The following TMTC2 variants were observed in gnomAD, a reference collection of about 807,000 sequenced individuals.
TMTC2 encodes the protein protein O-mannosyl-transferase TMTC2.
Under a neutral mutation model 82.4 loss-of-function variants are expected in TMTC2, and 43 were observed. The observed-to-expected ratio is 0.52, with a 90% CI of 0.41 to 0.67. TMTC2 has a LOEUF of 0.67. TMTC2 is among the 30% of genes least tolerant of loss of function. The pLI, the probability that TMTC2 is intolerant of heterozygous loss-of-function variation, is 0.00. For missense variants in TMTC2, 919 were observed against 1,012.4 expected, an observed-to-expected ratio of 0.91 and a Z score of 1.25; for synonymous variants, 408 against 381.9, an observed-to-expected ratio of 1.07 and a Z score of -0.80.
At chr12:82,928,583 A>T (rs867292210) in intron 3 of TMTC2, among the ~76,000 whole-genome samples, 13 of 152,306 alleles carry the variant, frequency 8.5e-5, no homozygotes, top group Middle Eastern at 3.4e-3. Flanking sequence ...GTTGGTTTGC[A>T]GTGAAAGATG....
At chr12:82,786,597 A>G (rs768012426) in intron 1 of TMTC2, among the ~76,000 whole-genome samples, 2 of 152,158 alleles carry the variant, frequency 1.3e-5, no homozygotes, top group Non-Finnish European at 2.9e-5. Context: ...ATTATTTTGA[A>G]GTAACACTGA....
At chr12:82,856,729 G>C (rs139430326) in intron 1 of TMTC2, among the ~76,000 whole-genome samples, 1 of 152,300 alleles carries the variant, frequency 6.6e-6, no homozygotes, top group East Asian at 1.9e-4. Context: ...TTGTTTGGCA[G>C]ACTGCTACAT....
At chr12:82,826,667 T>G (rs1319192775) in intron 1 of TMTC2, among the ~76,000 whole-genome samples, 1 of 152,178 alleles carries the variant, frequency 6.6e-6, no homozygotes, top group Non-Finnish European at 1.5e-5. Flanking sequence ...CTTTCTTAAT[T>G]ACTGGCTGGA....
At chr12:82,855,944 A>G (rs1871243391) in intron 1 of TMTC2, among the ~76,000 whole-genome samples, 1 of 152,216 alleles carries the variant, frequency 6.6e-6, no homozygotes, top group Non-Finnish European at 1.5e-5. Context: ...GATGGATCAT[A>G]TTTTGGGAAA....
chr12:82,984,230 AC>A (rs1311894723), intron 7 of TMTC2, among the ~76,000 whole-genome samples: 2 of 152,082 alleles, frequency 1.3e-5, no homozygotes, highest in Non-Finnish European at 2.9e-5. Context: ...AAAAAATCAA[AC>A]ATTTTTCAAC....
At chr12:82,741,239 G>A (rs1453135007) in intron 1 of TMTC2, among the ~76,000 whole-genome samples, 3 of 152,118 alleles carry the variant, frequency 2.0e-5, no homozygotes, top group Non-Finnish European at 4.4e-5. Flanking sequence ...GAGGTGGTTT[G>A]TTTGTTTGTT....
At chr12:82,695,462 A>T (rs1391933176) in intron 1 of TMTC2, among the ~76,000 whole-genome samples, 2 of 152,318 alleles carry the variant, frequency 1.3e-5, no homozygotes, top group East Asian at 3.9e-4. Flanking sequence ...ATTGAGTTCT[A>T]TTGTAAACCC....
intron 4 of TMTC2, among the ~76,000 whole-genome samples, chr12:82,955,148 C>G (rs939545700): frequency 6.6e-6 from 1 of 152,166 alleles, no homozygotes; most frequent in African/African-American, 2.4e-5. Context: ...GAAGGCTGTT[C>G]TGTGCCTTGT....
chr12:82,820,899 G>T (rs1339745624), intron 1 of TMTC2, among the ~76,000 whole-genome samples: 1 of 151,818 alleles, frequency 6.6e-6, no homozygotes, highest in Admixed American at 6.6e-5. Context: ...TTTTTTACAG[G>T]CAAGGTCTCA....
chr12:82,820,439 C>A (rs1348998566), intron 1 of TMTC2, among the ~76,000 whole-genome samples: 1 of 151,114 alleles, frequency 6.6e-6, no homozygotes, highest in Non-Finnish European at 1.5e-5. Context: ...GGAGTGATCT[C>A]GGCTCTACTG....
chr12:82,739,077 G>A (rs1875262454), intron 1 of TMTC2, among the ~76,000 whole-genome samples: 3 of 151,280 alleles, frequency 2.0e-5, no homozygotes, highest in African/African-American at 4.9e-5. Flanking sequence ...GAACGTGGGA[G>A]GTAGAGGTTG....
chr12:82,743,388 A>G (rs934083963), intron 1 of TMTC2, among the ~76,000 whole-genome samples: 2 of 151,562 alleles, frequency 1.3e-5, no homozygotes, highest in Non-Finnish European at 1.5e-5. Flanking sequence ...CAGAGGTTGC[A>G]GTGAGCCAAT....
At chr12:82,885,331 G>A (rs185497000) in intron 2 of TMTC2, among the ~76,000 whole-genome samples, 14 of 151,290 alleles carry the variant, frequency 9.3e-5, no homozygotes, top group African/African-American at 2.4e-4. Context: ...TTTTAATTTT[G>A]TTATCTGTTT....
intron 8 of TMTC2, among the ~76,000 whole-genome samples, chr12:83,018,172 C>T (rs935478678): frequency 1.3e-5 from 2 of 152,036 alleles, no homozygotes; most frequent in African/African-American, 4.8e-5. Context: ...CTGTGGTTGC[C>T]TTCCCATCAT....
intron 11 of TMTC2, among the ~76,000 whole-genome samples, chr12:83,104,828 C>A (rs976994940): frequency 1.3e-5 from 2 of 152,176 alleles, no homozygotes; most frequent in African/African-American, 2.4e-5. Context: ...TTTTCTTTTT[C>A]TTTCTCTGCC....
chr12:82,788,899 C>T (rs973196273), intron 1 of TMTC2, among the ~76,000 whole-genome samples: 2 of 152,098 alleles, frequency 1.3e-5, no homozygotes, highest in African/African-American at 2.4e-5. Flanking sequence ...GGAGGAGTGG[C>T]TCATGCCTGT....
chr12:82,983,673 A>G (rs1879028209), intron 7 of TMTC2, among the ~76,000 whole-genome samples: 1 of 152,074 alleles, frequency 6.6e-6, no homozygotes, highest in African/African-American at 2.4e-5. Context: ...ATTAAATACA[A>G]TGGTTGTACA....
At chr12:82,977,408 G>A (rs956760920) in intron 7 of TMTC2, among the ~76,000 whole-genome samples, 2 of 151,802 alleles carry the variant, frequency 1.3e-5, no homozygotes, top group East Asian at 3.9e-4. Flanking sequence ...CAGACCAATA[G>A]GACAAAGTGG....
At chr12:82,720,873 CTTGT>C (rs1456963935) in intron 1 of TMTC2, among the ~76,000 whole-genome samples, 2 of 152,152 alleles carry the variant, frequency 1.3e-5, no homozygotes, top group Admixed American at 6.6e-5. Flanking sequence ...TAGATTTTGG[CTTGT>C]TTGTCTTGTC....
Sources: allele counts gnomAD v4.1 joint callset (sites outside exome capture counted in the v4.1 genomes callset), GRCh38; gene constraint gnomAD v4.1.1; transcripts MANE v1.5; gene names NCBI Gene and HGNC (gene_info 2026-07-23, HGNC 2026-07-21).